Variants in ACVR1 observed in about 807,000 individuals in gnomAD.
ACVR1 encodes the protein activin A receptor type 1.
In ACVR1, 38 loss-of-function variants were observed where a neutral mutation model predicts 57.1. The ratio of observed to expected loss-of-function variants is 0.67; its 90% CI spans 0.51 to 0.87. The LOEUF is 0.87. Ranked by LOEUF, ACVR1 falls within the 40% of genes least tolerant of loss-of-function variation. ACVR1 has a pLI of 0.00. For synonymous variants in ACVR1, 212 were observed against 228.1 expected (o/e 0.93, Z 0.63); for missense variants, 463 against 638.2 (o/e 0.73, Z 2.96).
intron 9 of ACVR1, among the ~76,000 whole-genome samples, chr2:157,757,416 T>G (rs372855436): frequency 6.6e-6 from 1 of 151,770 alleles, no homozygotes; most frequent in Non-Finnish European, 1.5e-5. Flanking sequence ...CCAAAAAGAT[T>G]CAGCCCAAAA....
chr2:157,836,673 G>A (rs1414278110), intron 1 of ACVR1, among the ~76,000 whole-genome samples: 1 of 152,148 alleles, frequency 6.6e-6, no homozygotes, highest in African/African-American at 2.4e-5. Flanking sequence ...GACAGCAGAA[G>A]GACTTTGTCC....
intron 6 of ACVR1, among the ~76,000 whole-genome samples, chr2:157,771,771 C>G (rs1159587657): frequency 1.3e-5 from 2 of 152,196 alleles, no homozygotes; most frequent in Non-Finnish European, 2.9e-5. Flanking sequence ...ATACCAACAA[C>G]TAACCCAAAA....
intron 3 of ACVR1, among the ~76,000 whole-genome samples, chr2:157,795,999 G>C (rs528817086): frequency 6.6e-6 from 1 of 152,018 alleles, no homozygotes; most frequent in Non-Finnish European, 1.5e-5. Context: ...AGAGGTGGGC[G>C]GACTGCTTGA....
intron 3 of ACVR1, among the ~76,000 whole-genome samples, chr2:157,785,225 A>C (rs1436689360): frequency 1.3e-5 from 2 of 152,246 alleles, no homozygotes; most frequent in African/African-American, 2.4e-5. Context: ...TAATGCAGAA[A>C]TTAGACTGTA....
intron 3 of ACVR1, among the ~76,000 whole-genome samples, chr2:157,793,236 T>C (rs1242812127): frequency 1.3e-5 from 2 of 152,164 alleles, no homozygotes; most frequent in African/African-American, 2.4e-5. Flanking sequence ...AATCATTTCA[T>C]GAGCTTAGGT....
Position 157,765,903 on chromosome 2 carries a change from AT to A in ACVR1, c.1066+17del, listed in dbSNP as rs759795669. 6.2e-7 allele frequency: 1 copy of A among 1,613,668 alleles called. No homozygotes were observed. Among genetic ancestry groups the A allele is most frequent in the Non-Finnish European group, 8.5e-7 (1 of 1,179,800 alleles). On this transcript the variant is annotated intron_variant, in intron 8 of 10. Coordinates refer to ENST00000434821, the MANE Select transcript of ACVR1 (RefSeq NM_001111067.4). ...AAAAATAAAACTGGTGAGGAAAAAA[AT>A]ATTTTTAGAAATTTACCCAAATCTG... is the stretch of plus-strand genomic sequence containing the variant.
chr2:157,802,315 G>A (rs16842103), intron 2 of ACVR1, among the ~76,000 whole-genome samples: 11,640 of 152,038 alleles, frequency 0.077, 1,573 homozygotes, highest in African/African-American at 0.27. Context: ...TGAGGACTTA[G>A]GGCAAACCTC....
At chr2:157,800,406 T>C (rs1687281264) in intron 2 of ACVR1, among the ~76,000 whole-genome samples, 1 of 152,134 alleles carries the variant, frequency 6.6e-6, no homozygotes, top group African/African-American at 2.4e-5. Context: ...GGTGGGATGA[T>C]CACTTGAGCC....
rs557331406 is a variant in ACVR1, at chr2:157,864,053, G to T, written c.-183+11743C>A. Among the ~76,000 whole-genome samples the T allele has an allele frequency of 4.0e-5, 6 of 151,088 alleles. No homozygotes were observed. In the East Asian group the frequency reaches 1.2e-3, roughly 30 times the overall value. On this transcript the variant is annotated intron_variant, in intron 1 of 10. Transcript: ENST00000434821. ...TTTGTATTTTTTTAAATAGAGACGGGGTTTCACACCATGTTAGTCAGGATG... is the reference window on the plus strand; with the variant it reads ...TTTGTATTTTTTTAAATAGAGACGGTGTTTCACACCATGTTAGTCAGGATG...
At chr2:157,797,440 T>C (rs1043459690) in intron 3 of ACVR1, among the ~76,000 whole-genome samples, 6 of 152,154 alleles carry the variant, frequency 3.9e-5, no homozygotes, top group Non-Finnish European at 8.8e-5. Context: ...GAGGTTGAGA[T>C]TCCTACAATA....
chr2:157,761,136 G>A, intron 8 of ACVR1, 59 bp from the exon 9 acceptor site: 1 of 1,578,186 alleles, frequency 6.3e-7, no homozygotes, highest in Non-Finnish European at 8.6e-7. Flanking sequence ...AGAGGCTGCT[G>A]AAGGATTTTA....
chr2:157,749,104 G>A (rs770901989), intron 9 of ACVR1, among the ~76,000 whole-genome samples: 3 of 152,320 alleles, frequency 2.0e-5, no homozygotes, highest in Admixed American at 6.5e-5. Flanking sequence ...ATTTTCAGTT[G>A]TGAAGATATG....
intron 1 of ACVR1, among the ~76,000 whole-genome samples, chr2:157,847,835 C>T (rs918177760): frequency 2.6e-5 from 4 of 151,948 alleles, no homozygotes; most frequent in East Asian, 1.9e-4. Context: ...GGGGAGGGGG[C>T]GAGGAGTGGA....
intron 4 of ACVR1, among the ~76,000 whole-genome samples, chr2:157,778,560 G>A (rs1257415442): frequency 6.6e-6 from 1 of 152,138 alleles, no homozygotes; most frequent in Non-Finnish European, 1.5e-5. Context: ...AAATTCCACT[G>A]AGAATCAATT....
chr2:157,837,559 T>C (rs1158355736), intron 1 of ACVR1, among the ~76,000 whole-genome samples: 2 of 152,232 alleles, frequency 1.3e-5, no homozygotes, highest in East Asian at 1.9e-4. Context: ...AATAGAGCGG[T>C]ACATCTGTGA....
intron 1 of ACVR1, among the ~76,000 whole-genome samples, chr2:157,848,045 C>G (rs1451689313): frequency 1.3e-5 from 2 of 152,134 alleles, no homozygotes; most frequent in African/African-American, 4.8e-5. Flanking sequence ...GACATAACAA[C>G]TCAATGTAAT....
intron 3 of ACVR1, among the ~76,000 whole-genome samples, chr2:157,798,940 G>A (rs56303140): frequency 0.12 from 17,899 of 150,228 alleles, 2,421 homozygotes; most frequent in African/African-American, 0.33. Flanking sequence ...TCTGTTGCCC[G>A]GGCTGGAGTT....
At chr2:157,787,517 G>A (rs1439274595) in intron 3 of ACVR1, among the ~76,000 whole-genome samples, 1 of 152,172 alleles carries the variant, frequency 6.6e-6, no homozygotes, top group African/African-American at 2.4e-5. Context: ...ACAGAGAGTA[G>A]AATAATCTGG....
intron 1 of ACVR1, among the ~76,000 whole-genome samples, chr2:157,839,957 C>G (rs1038180103): frequency 6.6e-6 from 1 of 152,186 alleles, no homozygotes; most frequent in African/African-American, 2.4e-5. Context: ...TACACCCCCT[C>G]CTATTCTGCA....
Sources: allele counts gnomAD v4.1 joint callset (sites outside exome capture counted in the v4.1 genomes callset), GRCh38; gene constraint gnomAD v4.1.1; transcripts MANE v1.5; gene names NCBI Gene and HGNC (gene_info 2026-07-23, HGNC 2026-07-21).